The following CACNB2 variants were observed in gnomAD, a reference collection of about 807,000 sequenced individuals.
The protein encoded by CACNB2 is voltage-dependent L-type calcium channel subunit beta-2.
CACNB2 carries 42 observed loss-of-function variants against 73.3 expected under a neutral mutation model. The ratio of observed to expected loss-of-function variants is 0.57; its 90% confidence interval spans 0.45 to 0.74. The LOEUF (loss-of-function observed/expected upper bound fraction) is 0.74, where lower values mean the gene tolerates loss of function less well. Ranked by LOEUF, CACNB2 falls within the 30% of genes least tolerant of loss-of-function variation. CACNB2 has a pLI of 0.00. For missense variants in CACNB2, 940 were observed against 853.0 expected (o/e 1.10, Z -1.27); for synonymous variants, 348 against 310.3 (o/e 1.12, Z -1.28).
At chr10:18,453,693 G>A (rs913741986) in intron 3 of CACNB2, among the ~76,000 whole-genome samples, 3 of 152,188 alleles carry the variant, frequency 2.0e-5, no homozygotes, top group Non-Finnish European at 4.4e-5. Context: ...GCAGTGGCGC[G>A]ATCTCGGCTG....
chr10:18,389,515 GT>G (rs2043373413), intron 2 of CACNB2, among the ~76,000 whole-genome samples: 3 of 151,990 alleles, frequency 2.0e-5, no homozygotes, highest in South Asian at 4.2e-4. Context: ...TTGTTTTCTG[GT>G]TTTATTAAAT....
At chr10:18,463,321 C>T (rs1418147846) in intron 3 of CACNB2, among the ~76,000 whole-genome samples, 1 of 151,850 alleles carries the variant, frequency 6.6e-6, no homozygotes, top group Non-Finnish European at 1.5e-5. Context: ...CCCAGGAGTT[C>T]AAGATCAGCC....
intron 3 of CACNB2, among the ~76,000 whole-genome samples, chr10:18,442,616 A>G (rs1589368684): frequency 6.6e-6 from 1 of 151,602 alleles, no homozygotes; most frequent in Non-Finnish European, 1.5e-5. Flanking sequence ...CACGAGGTCA[A>G]GATATCAAGA....
chr10:18,276,517 G>T (rs983150100), intron 2 of CACNB2, among the ~76,000 whole-genome samples: 1 of 152,176 alleles, frequency 6.6e-6, no homozygotes, highest in Non-Finnish European at 1.5e-5. Context: ...TAAAGTCATA[G>T]AGGGCTGGAT....
chr10:18,495,533 A>G (rs892633124), intron 3 of CACNB2, among the ~76,000 whole-genome samples: 1 of 146,122 alleles, frequency 6.8e-6, no homozygotes, highest in African/African-American at 2.7e-5. Flanking sequence ...TATATTTTTA[A>G]AAGTATAAAA....
In CACNB2 at chr10:18,477,011, T is replaced by C. The variant is rs185917343; in HGVS notation, c.334-21344T>C. ...CTCCAGTCTGGGTGACAGAGTGAGATTGAATCTCAAAAAAAAAAAAAATAC... is the reference window on the plus strand; with the variant it reads ...CTCCAGTCTGGGTGACAGAGTGAGACTGAATCTCAAAAAAAAAAAAAATAC... On this transcript the variant is annotated intron_variant, in intron 3 of 13. Coordinates refer to ENST00000324631, the MANE Select transcript of CACNB2 (RefSeq NM_201596.3). Among the ~76,000 whole-genome samples the C allele has an allele frequency of 3.5e-3, 515 of 149,054 alleles. 9 individuals are homozygous for C. Among genetic ancestry groups the C allele is most frequent in the Non-Finnish European group, 1.2e-3 (79 of 67,050 alleles).
At chr10:18,220,506 C>G (rs1449447262) in intron 2 of CACNB2, among the ~76,000 whole-genome samples, 2 of 151,818 alleles carry the variant, frequency 1.3e-5, no homozygotes, top group African/African-American at 4.8e-5. Context: ...AAGTCATCTG[C>G]CTGCCTCAGT....
intron 1 of CACNB2, among the ~76,000 whole-genome samples, chr10:18,145,659 C>T (rs1242012812): frequency 6.6e-6 from 1 of 152,146 alleles, no homozygotes; most frequent in Non-Finnish European, 1.5e-5. Context: ...ATGTTAACCT[C>T]ATAGGGGATG....
chr10:18,511,372 T>C (rs2050773234), intron 6 of CACNB2, among the ~76,000 whole-genome samples: 1 of 152,230 alleles, frequency 6.6e-6, no homozygotes, highest in South Asian at 2.1e-4. Flanking sequence ...TAAGAGAGCC[T>C]AGTTTTCAAA....
intron 3 of CACNB2, among the ~76,000 whole-genome samples, chr10:18,415,427 A>G (rs892745229): frequency 1.3e-5 from 2 of 151,912 alleles, no homozygotes; most frequent in Admixed American, 1.3e-4. Context: ...AACTGCACCA[A>G]TATACTCCAG....
At chr10:18,223,810 A>C (rs574829865) in intron 2 of CACNB2, among the ~76,000 whole-genome samples, 2 of 152,264 alleles carry the variant, frequency 1.3e-5, no homozygotes, top group East Asian at 3.9e-4. Flanking sequence ...ACAGAATCCT[A>C]TTGCAGAAAT....
chr10:18,509,379 C>T (rs1038099387), intron 6 of CACNB2, among the ~76,000 whole-genome samples: 5 of 152,228 alleles, frequency 3.3e-5, no homozygotes, highest in African/African-American at 1.2e-4. Context: ...TCCCACTTGA[C>T]ATCTGGGCAT....
chr10:18,305,348 C>A (rs547081895), intron 2 of CACNB2, among the ~76,000 whole-genome samples: 1 of 152,194 alleles, frequency 6.6e-6, no homozygotes, highest in South Asian at 2.1e-4. Context: ...GACCCTGAAG[C>A]AGATCCTTTT....
chr10:18,167,565 A>G (rs77029435), intron 2 of CACNB2, among the ~76,000 whole-genome samples: 2,761 of 152,220 alleles, frequency 0.018, 82 homozygotes, highest in African/African-American at 0.062. Context: ...TCAACCTTGC[A>G]TCTCATCTCA....
intron 2 of CACNB2, 115 bp downstream of exon 2, chr10:18,151,090 A>G: frequency 1.3e-6 from 1 of 763,156 alleles, no homozygotes; most frequent in Non-Finnish European, 2.3e-6. Context: ...CTTACTTTTA[A>G]TTGAAGTGAA....
intron 3 of CACNB2, among the ~76,000 whole-genome samples, chr10:18,496,679 T>C (rs556594307): frequency 6.6e-6 from 1 of 151,622 alleles, no homozygotes; most frequent in African/African-American, 2.4e-5. Context: ...CTGGGCGTGG[T>C]GGCGGGTGCC....
At chr10:18,216,226 G>C (rs2035505930) in intron 2 of CACNB2, among the ~76,000 whole-genome samples, 1 of 152,188 alleles carries the variant, frequency 6.6e-6, no homozygotes, top group African/African-American at 2.4e-5. Context: ...GAACCTGGGA[G>C]GTGGTGGTTG....
rs573039159 is a variant in CACNB2 at position 18,388,009 on chromosome 10, G to A, written c.214-13915G>A. ...CGAGCTCAAGCAATCCTCCTGCCTC[G>A]GCCTCCCAATATGCTGGGATTATAG... On this transcript the variant is annotated intron_variant, in intron 2 of 13. Transcript: ENST00000324631. Among the ~76,000 whole-genome samples the A allele has an allele frequency of 6.6e-5, 10 of 152,120 alleles. No homozygotes were observed. In the South Asian group the frequency reaches 1.5e-3, roughly 22 times the overall value.
At chr10:18,148,438 A>G (rs1393340847) in intron 1 of CACNB2, among the ~76,000 whole-genome samples, 1 of 152,194 alleles carries the variant, frequency 6.6e-6, no homozygotes, top group Non-Finnish European at 1.5e-5. Context: ...CTGAAATAAC[A>G]TTTATGAACA....
Sources: allele counts gnomAD v4.1 joint callset (sites outside exome capture counted in the v4.1 genomes callset), GRCh38; gene constraint gnomAD v4.1.1; transcripts MANE v1.5; gene names NCBI Gene and HGNC (gene_info 2026-07-23, HGNC 2026-07-21).